RABGEF1: variants seen among roughly 807,000 people sequenced by gnomAD.
RABGEF1 encodes rab5 GDP/GTP exchange factor.
A neutral mutation model predicts 57.3 loss-of-function variants in RABGEF1; 26 were observed. The ratio of observed to expected loss-of-function variants is 0.45; its 90% confidence interval spans 0.33 to 0.63. The LOEUF is 0.63. RABGEF1 is among the 20% of genes least tolerant of loss of function. The pLI, the probability that RABGEF1 is intolerant of heterozygous loss-of-function variation, is 0.02. For missense variants in RABGEF1, 464 were observed against 607.6 expected (o/e 0.76, Z 2.48); for synonymous variants, 185 against 210.7 (o/e 0.88, Z 1.06).
chr7:66,678,481 C>T (rs930089282), upstream of RABGEF1, among the ~76,000 whole-genome samples: 4 of 145,578 alleles, frequency 2.7e-5, no homozygotes, highest in Non-Finnish European at 3.0e-5. Flanking sequence ...AGGAGAATGG[C>T]GAGAACCCAG....
intron 1 of RABGEF1, among the ~76,000 whole-genome samples, chr7:66,694,953 G>C (rs967339478): frequency 6.6e-6 from 1 of 152,178 alleles, no homozygotes; most frequent in Non-Finnish European, 1.5e-5. Flanking sequence ...CCCTGTTGAG[G>C]ACGAGGCTGG....
At chr7:66,729,262 A>G (rs1269480341) in intron 2 of RABGEF1, among the ~76,000 whole-genome samples, 4 of 146,712 alleles carry the variant, frequency 2.7e-5, no homozygotes, top group Non-Finnish European at 4.5e-5. Flanking sequence ...GACCTCCACC[A>G]TTACCACCAT....
At chr7:66,756,083 T>C in intron 1 of RABGEF1, 1 of 1,456,626 alleles carries the variant, frequency 6.9e-7, no homozygotes, top group Non-Finnish European at 9.1e-7. Context: ...TGAAGGTGAG[T>C]ACTGAAAGAT....
At chr7:66,728,948 C>T (rs1424888209) in intron 2 of RABGEF1, among the ~76,000 whole-genome samples, 2 of 151,374 alleles carry the variant, frequency 1.3e-5, no homozygotes, top group African/African-American at 4.9e-5. Flanking sequence ...ATCTTCACCT[C>T]CACTTTTTTT....
chr7:66,779,683 A>C (rs981009422), intron 3 of RABGEF1, among the ~76,000 whole-genome samples: 29 of 151,794 alleles, frequency 1.9e-4, no homozygotes, highest in African/African-American at 6.3e-4. Flanking sequence ...AAAAAAAAAA[A>C]AAAACACCAA....
intron 4 of RABGEF1, among the ~76,000 whole-genome samples, chr7:66,789,682 CAAAAAAAAAAAAAA>C (rs35661980): frequency 1.7e-5 from 1 of 57,466 alleles, no homozygotes; most frequent in Non-Finnish European, 2.9e-5. Flanking sequence ...GACTCTATCT[CAAAAAAAAAAAAAA>C]AAAAAAAAAA....
intron 4 of RABGEF1, among the ~76,000 whole-genome samples, chr7:66,793,306 C>T (rs937025697): frequency 2.6e-5 from 4 of 152,286 alleles, no homozygotes; most frequent in South Asian, 2.1e-4. Context: ...TGAATATATG[C>T]CTTACATACA....
chr7:66,711,382 A>G (rs1794750887), intron 1 of RABGEF1, among the ~76,000 whole-genome samples: 1 of 150,182 alleles, frequency 6.7e-6, no homozygotes, highest in African/African-American at 2.4e-5. Flanking sequence ...TCTTACATTT[A>G]GATCTGAGAT....
intron 1 of RABGEF1, among the ~76,000 whole-genome samples, chr7:66,745,065 G>C (rs530765535): frequency 4.6e-5 from 7 of 151,932 alleles, no homozygotes; most frequent in Non-Finnish European, 1.0e-4. Flanking sequence ...GGTTGCAGGC[G>C]CCTGTAGTCT....
intron 2 of RABGEF1, among the ~76,000 whole-genome samples, chr7:66,772,843 C>G (rs1301566861): frequency 2.0e-5 from 3 of 151,078 alleles, no homozygotes; most frequent in African/African-American, 7.3e-5. Flanking sequence ...ACCCAGGTAT[C>G]GGAGGTTGCA....
intron 1 of RABGEF1, among the ~76,000 whole-genome samples, chr7:66,745,764 A>G (rs1468774019): frequency 2.3e-5 from 3 of 130,804 alleles, no homozygotes; most frequent in Non-Finnish European, 3.4e-5. Context: ...GTGAGACTCT[A>G]TCTCAAAAAA....
intron 1 of RABGEF1, among the ~76,000 whole-genome samples, chr7:66,745,162 A>G (rs1042903241): frequency 6.6e-6 from 1 of 152,004 alleles, no homozygotes; most frequent in Non-Finnish European, 1.5e-5. Context: ...ACTGCACTCC[A>G]GCCTGAGCGA....
chr7:66,783,155 G>T (rs1415677014), intron 3 of RABGEF1, among the ~76,000 whole-genome samples: 4 of 152,176 alleles, frequency 2.6e-5, no homozygotes, highest in East Asian at 3.8e-4. Context: ...TGATCAGTAT[G>T]ACTCACCAAC....
chr7:66,743,789 C>T (rs886379393), intron 1 of RABGEF1, among the ~76,000 whole-genome samples: 2 of 152,168 alleles, frequency 1.3e-5, no homozygotes, highest in Admixed American at 6.6e-5. Flanking sequence ...GTGTGAGCCA[C>T]CACACTTGGG....
chr7:66,710,599 C>T (rs982574545), intron 1 of RABGEF1, among the ~76,000 whole-genome samples: 2 of 152,098 alleles, frequency 1.3e-5, no homozygotes, highest in African/African-American at 2.4e-5. Context: ...TAGTGGTATC[C>T]TCTTATGGTT....
intron 1 of RABGEF1, among the ~76,000 whole-genome samples, chr7:66,752,260 G>A (rs966428147): frequency 3.9e-5 from 6 of 151,954 alleles, no homozygotes; most frequent in Admixed American, 1.3e-4. Flanking sequence ...TTGGGAGTCC[G>A]AGGTGGACGG....
At chr7:66,803,257 G>A (rs1787709070) in intron 7 of RABGEF1, among the ~76,000 whole-genome samples, 1 of 152,312 alleles carries the variant, frequency 6.6e-6, no homozygotes, top group African/African-American at 2.4e-5. Flanking sequence ...CCCACACGTT[G>A]TCTTTCATGG....
At chr7:66,746,326 C>T (rs968712180) in intron 1 of RABGEF1, among the ~76,000 whole-genome samples, 12 of 151,294 alleles carry the variant, frequency 7.9e-5, no homozygotes, top group African/African-American at 2.2e-4. Context: ...CTTTTTGAGA[C>T]GGAGTCTTGC....
rs1462597134 is a variant in RABGEF1 at position 66,692,290 on chromosome 7, T to C, written c.-873+10032T>C. Among the ~76,000 whole-genome samples, 6 of 152,186 alleles carry C rather than the reference T, an allele frequency of 3.9e-5. No individual in the cohort carries two copies. In the East Asian group the frequency reaches 5.8e-4, roughly 15 times the overall value. On this transcript the variant is annotated intron_variant and NMD_transcript_variant, in intron 1 of 9. Transcript: ENST00000607882. ...GCCTCTGCTGCTCATTAGCGGACCC[T>C]TTCTTTGTTGGCTTTTTTTCCTTTC...
Sources: allele counts gnomAD v4.1 joint callset (sites outside exome capture counted in the v4.1 genomes callset), GRCh38; gene constraint gnomAD v4.1.1; transcripts MANE v1.5; gene names NCBI Gene and HGNC (gene_info 2026-07-23, HGNC 2026-07-21).